Variants in SUMF1 observed in about 807,000 individuals in gnomAD.
The protein encoded by SUMF1 is formylglycine-generating enzyme.
In SUMF1, 48 loss-of-function variants were observed where a neutral mutation model predicts 47.6. That is an observed-to-expected ratio of 1.01 (90% CI 0.80 to 1.28). SUMF1 has a LOEUF of 1.28. Ranked by LOEUF, SUMF1 falls within the 50% of genes most tolerant of loss-of-function variation. SUMF1 has a pLI of 0.00. For synonymous variants in SUMF1, 230 were observed against 192.1 expected (o/e 1.20, Z -1.63); for missense variants, 571 against 485.4 (o/e 1.18, Z -1.66).
At chr3:4,316,428 G>A in intron 8 of SUMF1, 1 of 1,593,702 alleles carries the variant, frequency 6.3e-7, no homozygotes, top group Non-Finnish European at 8.5e-7. Context: ...ATCAGAAGTT[G>A]ACAACGACCA....
rs537943838 is a variant in SUMF1 at position 4,418,153 on chromosome 3, A to C, written c.603-21T>G. 6.2e-5 allele frequency: 100 copies of C among 1,613,912 alleles called. 1 individual carries two copies. The South Asian group carries it at 1.0e-3, about 17-fold the overall frequency. ...CCGGCCTGGGGAAGAGCAAAAGTAG[A>C]ATGAAAAGTGACACCAATCAGAACA... On this transcript the variant is annotated intron_variant, in intron 4 of 8. Transcript: ENST00000272902.
chr3:4,229,628 C>T (rs771959988), intron 8 of SUMF1, among the ~76,000 whole-genome samples: 24 of 152,124 alleles, frequency 1.6e-4, no homozygotes, highest in Non-Finnish European at 2.5e-4. Flanking sequence ...TATTATGGGC[C>T]ATATCATCAA....
intron 8 of SUMF1, among the ~76,000 whole-genome samples, chr3:4,297,472 A>G (rs1697876530): frequency 6.6e-6 from 1 of 151,992 alleles, no homozygotes; most frequent in Non-Finnish European, 1.5e-5. Flanking sequence ...CGGTGGCACA[A>G]TCATAGCTAA....
In SUMF1 at chr3:4,268,709, A is replaced by T. The variant is rs568305952; in HGVS notation, c.1014+107621T>A. On this transcript the variant is annotated intron_variant and NMD_transcript_variant, in intron 8 of 12. Transcript: ENST00000448413. The stretch of plus-strand genomic sequence containing the variant: ...AAAAAAAATCTATCCAGTGCTAAGT[A>T]GCCAATAAATGGCAAAGACTGAACT... Among the ~76,000 whole-genome samples, 3 of 152,186 alleles carry T rather than the reference A, an allele frequency of 2.0e-5. No individual in the cohort carries two copies. In the East Asian group the frequency reaches 5.8e-4, roughly 29 times the overall value.
chr3:4,151,556 T>C (rs200826668), intron 8 of SUMF1, among the ~76,000 whole-genome samples: 3,848 of 137,248 alleles, frequency 0.028, 99 homozygotes, highest in Non-Finnish European at 0.041. Context: ...TGTGTGTATA[T>C]ACACACACAC....
At chr3:4,379,642 G>A (rs1700436953) in intron 7 of SUMF1, among the ~76,000 whole-genome samples, 1 of 150,878 alleles carries the variant, frequency 6.6e-6, no homozygotes, top group Admixed American at 6.6e-5. Flanking sequence ...AAGAGATGGA[G>A]CCCACCCTGG....
At chr3:4,166,828 G>T (rs946267862) in intron 8 of SUMF1, among the ~76,000 whole-genome samples, 2 of 152,080 alleles carry the variant, frequency 1.3e-5, no homozygotes, top group African/African-American at 4.8e-5. Flanking sequence ...CAGAAGTATA[G>T]GAAAAGCAGA....
intron 8 of SUMF1, among the ~76,000 whole-genome samples, chr3:4,296,983 A>T (rs1697865820): frequency 6.6e-6 from 1 of 152,082 alleles, no homozygotes; most frequent in South Asian, 2.1e-4. Context: ...CATCTGCTTT[A>T]TTTTTCTCTT....
chr3:4,214,544 A>T (rs925113127), intron 8 of SUMF1, among the ~76,000 whole-genome samples: 1 of 152,166 alleles, frequency 6.6e-6, no homozygotes, highest in Non-Finnish European at 1.5e-5. Context: ...GAAGACAAGA[A>T]ATAACTAAGA....
chr3:4,143,436 C>A (rs1341212313), intron 8 of SUMF1, among the ~76,000 whole-genome samples: 3 of 151,972 alleles, frequency 2.0e-5, no homozygotes, highest in Non-Finnish European at 4.4e-5. Context: ...ATGAGAAGGT[C>A]AGATAGTAGG....
chr3:4,226,626 T>C (rs1239825963), intron 8 of SUMF1, among the ~76,000 whole-genome samples: 1 of 152,068 alleles, frequency 6.6e-6, no homozygotes, highest in Non-Finnish European at 1.5e-5. Context: ...TTTGCTATGG[T>C]TATTTTATTA....
At chr3:4,056,499 C>A (rs1391510282) in intron 9 of SUMF1, among the ~76,000 whole-genome samples, 1 of 152,002 alleles carries the variant, frequency 6.6e-6, no homozygotes, top group African/African-American at 2.4e-5. Context: ...CATAGTGAGA[C>A]TTCATCTCTA....
At chr3:4,392,615 GTATATA>G (rs58350223) in intron 7 of SUMF1, among the ~76,000 whole-genome samples, 4,644 of 96,056 alleles carry the variant, frequency 0.048, 150 homozygotes, top group African/African-American at 0.11. Flanking sequence ...GTGTGTGTGT[GTATATA>G]TATATATATA....
chr3:4,251,736 C>T (rs527862384), intron 8 of SUMF1, among the ~76,000 whole-genome samples: 1 of 152,282 alleles, frequency 6.6e-6, no homozygotes, highest in South Asian at 2.1e-4. Context: ...GGCTGTTTTA[C>T]CTACATTGAA....
At chr3:4,402,028 A>G (rs1380106773) in intron 7 of SUMF1, among the ~76,000 whole-genome samples, 2 of 152,188 alleles carry the variant, frequency 1.3e-5, no homozygotes, top group Admixed American at 6.5e-5. Context: ...ATGTTGCAGA[A>G]AAACAAGAAG....
chr3:4,379,606 G>C (rs968962388), intron 7 of SUMF1, among the ~76,000 whole-genome samples: 2 of 152,082 alleles, frequency 1.3e-5, no homozygotes, highest in Non-Finnish European at 2.9e-5. Flanking sequence ...AGATGGTCAA[G>C]AGATGGAGGT....
intron 8 of SUMF1, among the ~76,000 whole-genome samples, chr3:4,144,303 C>A (rs1694145133): frequency 6.6e-6 from 1 of 151,812 alleles, no homozygotes; most frequent in Non-Finnish European, 1.5e-5. Context: ...GGAAACAAGG[C>A]CAAAGAAAAG....
At chr3:4,385,122 G>A (rs1398548596) in intron 7 of SUMF1, among the ~76,000 whole-genome samples, 2 of 152,130 alleles carry the variant, frequency 1.3e-5, no homozygotes, top group Non-Finnish European at 2.9e-5. Context: ...CTGACCTCAT[G>A]AGATCAGCCT....
chr3:4,455,297 C>T (rs1392978691), intron 1 of SUMF1, among the ~76,000 whole-genome samples: 1 of 152,076 alleles, frequency 6.6e-6, no homozygotes, highest in Non-Finnish European at 1.5e-5. Flanking sequence ...AATTATATAT[C>T]TACAAATTTG....
Sources: allele counts gnomAD v4.1 joint callset (sites outside exome capture counted in the v4.1 genomes callset), GRCh38; gene constraint gnomAD v4.1.1; transcripts MANE v1.5; gene names NCBI Gene and HGNC (gene_info 2026-07-23, HGNC 2026-07-21).